Variants in FUT8 observed in about 807,000 individuals in gnomAD.
FUT8 encodes the protein alpha-(1,6)-fucosyltransferase.
FUT8 carries 29 observed loss-of-function variants against 71.3 expected under a neutral mutation model. The ratio of observed to expected loss-of-function variants is 0.41; its 90% confidence interval spans 0.30 to 0.55. The LOEUF (loss-of-function observed/expected upper bound fraction) is 0.55. Ranked by LOEUF, FUT8 falls within the 20% of genes least tolerant of loss-of-function variation. The pLI is 0.34. For synonymous variants in FUT8, 254 were observed against 239.3 expected, an observed-to-expected ratio of 1.06 and a Z score of -0.57; for missense variants, 544 against 702.1, an observed-to-expected ratio of 0.77 and a Z score of 2.55.
chr14:65,611,245 A>G (rs1594815543), intron 3 of FUT8, among the ~76,000 whole-genome samples: 2 of 28,254 alleles, frequency 7.1e-5, no homozygotes, highest in East Asian at 8.9e-4. Flanking sequence ...ACACACACAC[A>G]CACACACACA....
chr14:65,446,783 C>T (rs1319038570), intron 1 of FUT8, among the ~76,000 whole-genome samples: 10 of 151,144 alleles, frequency 6.6e-5, no homozygotes, highest in Non-Finnish European at 1.2e-4. Context: ...GCCTGCCCCT[C>T]ACCCTCTCTC....
chr14:65,553,235 TTATA>T (rs1336783782), intron 2 of FUT8, among the ~76,000 whole-genome samples: 1 of 152,152 alleles, frequency 6.6e-6, no homozygotes, highest in Non-Finnish European at 1.5e-5. Context: ...CTCTGGATCT[TTATA>T]TATATGTATA....
chr14:65,396,323 C>T, the FUT8 span, among the ~76,000 whole-genome samples: 1 of 152,272 alleles, frequency 6.6e-6, no homozygotes, highest in East Asian at 1.9e-4. The surrounding 1 kb of genome is among the most constrained non-coding windows in gnomAD (Gnocchi z 5.5). Context: ...ATCCTGTTAA[C>T]AAAGACATAC....
upstream of FUT8, among the ~76,000 whole-genome samples, chr14:65,406,316 C>G (rs1399119781): frequency 6.6e-6 from 1 of 152,188 alleles, no homozygotes; most frequent in Non-Finnish European, 1.5e-5. Flanking sequence ...AAAACCAGAG[C>G]TCAGAGAGGT....
intron 2 of FUT8, among the ~76,000 whole-genome samples, chr14:65,537,047 G>T (rs1377818983): frequency 6.8e-6 from 1 of 147,208 alleles, no homozygotes. Context: ...CCTCAGCTTG[G>T]TCTGTTTTGC....
At chr14:65,552,656 C>T (rs1250054562) in intron 2 of FUT8, among the ~76,000 whole-genome samples, 2 of 152,158 alleles carry the variant, frequency 1.3e-5, no homozygotes, top group East Asian at 3.8e-4. Context: ...TTTATTAATA[C>T]TTCAAATGTG....
intron 7 of FUT8, among the ~76,000 whole-genome samples, chr14:65,715,748 C>T (rs1486337171): frequency 6.6e-6 from 1 of 151,894 alleles, no homozygotes; most frequent in Non-Finnish European, 1.5e-5. Context: ...TATTTAATTT[C>T]CATGTGTTTG....
intron 3 of FUT8, among the ~76,000 whole-genome samples, chr14:65,590,277 A>C (rs1211150030): frequency 1.3e-5 from 2 of 152,230 alleles, no homozygotes; most frequent in African/African-American, 4.8e-5. Context: ...ATTGGTTCTC[A>C]GTCTTTGGAA....
chr14:65,558,634 G>A (rs1885731269), intron 2 of FUT8, among the ~76,000 whole-genome samples: 1 of 152,160 alleles, frequency 6.6e-6, no homozygotes, highest in South Asian at 2.1e-4. Flanking sequence ...ATTTTAGCAA[G>A]CATGGTTCAG....
intron 7 of FUT8, among the ~76,000 whole-genome samples, chr14:65,696,271 T>G (rs1182655438): frequency 6.6e-6 from 1 of 152,224 alleles, no homozygotes; most frequent in East Asian, 1.9e-4. Flanking sequence ...TTTGTTTATC[T>G]GAGAAATTCT....
chr14:65,640,028 A>G (rs1455334789), intron 6 of FUT8, among the ~76,000 whole-genome samples: 1 of 152,150 alleles, frequency 6.6e-6, no homozygotes, highest in Non-Finnish European at 1.5e-5. Flanking sequence ...TCACAGGAGC[A>G]ATTTGATTGT....
At chr14:65,672,844 G>T (rs1176041235) in intron 7 of FUT8, among the ~76,000 whole-genome samples, 1 of 152,072 alleles carries the variant, frequency 6.6e-6, no homozygotes, top group East Asian at 1.9e-4. Flanking sequence ...TGCTTTTCTA[G>T]CTTATATAAA....
chr14:65,389,870 A>G, the FUT8 span, among the ~76,000 whole-genome samples: 1 of 151,488 alleles, frequency 6.6e-6, no homozygotes, highest in Admixed American at 6.6e-5. Flanking sequence ...ATATATAAAA[A>G]TATGTTTAAA....
chr14:65,456,641 G>A (rs1349284223), intron 2 of FUT8, among the ~76,000 whole-genome samples: 1 of 152,066 alleles, frequency 6.6e-6, no homozygotes, highest in Non-Finnish European at 1.5e-5. Flanking sequence ...TTGGGAGGCT[G>A]AGGCGGGCGG....
At chr14:65,601,033 A>G (rs1280597704) in intron 3 of FUT8, among the ~76,000 whole-genome samples, 2 of 152,176 alleles carry the variant, frequency 1.3e-5, no homozygotes, top group Admixed American at 6.5e-5. Flanking sequence ...TGTTGATATC[A>G]TAGTATCTTA....
chr14:65,362,825 G>A, the FUT8 span, among the ~76,000 whole-genome samples: 6 of 151,830 alleles, frequency 4.0e-5, no homozygotes, highest in Admixed American at 2.0e-4. Flanking sequence ...AGCCGGGCGT[G>A]GTGGTGTGTG....
At chr14:65,567,567 A>G (rs1287112353) in intron 3 of FUT8, among the ~76,000 whole-genome samples, 2 of 151,990 alleles carry the variant, frequency 1.3e-5, no homozygotes, top group Admixed American at 1.3e-4. Context: ...ATATTCTTAA[A>G]GCCAGTGAGA....
chr14:65,406,958 G>A (rs1186362005), upstream of FUT8, among the ~76,000 whole-genome samples: 1 of 152,166 alleles, frequency 6.6e-6, no homozygotes, highest in African/African-American at 2.4e-5. Context: ...AGCTTGATAC[G>A]ATTAGATCCT....
chr14:65,592,961 G>T (rs1003308035), intron 3 of FUT8, among the ~76,000 whole-genome samples: 1 of 152,110 alleles, frequency 6.6e-6, no homozygotes, highest in African/African-American at 2.4e-5. Context: ...ACATGGTATT[G>T]GTATGGTTTT....
Sources: allele counts gnomAD v4.1 joint callset (sites outside exome capture counted in the v4.1 genomes callset), GRCh38; gene constraint gnomAD v4.1.1; non-coding constraint Gnocchi (gnomAD v3.1); transcripts MANE v1.5; gene names NCBI Gene and HGNC (gene_info 2026-07-23, HGNC 2026-07-21).